The following TTN variants were observed in gnomAD, a reference collection of about 807,000 sequenced individuals.
TTN encodes titin.
In TTN, 1,525 loss-of-function variants were observed where a neutral mutation model predicts 3,223.0. That is an observed-to-expected ratio of 0.47 (90% CI 0.45 to 0.49). The LOEUF (loss-of-function observed/expected upper bound fraction) is 0.49, where lower values mean the gene tolerates loss of function less well. TTN is among the 20% of genes least tolerant of loss of function. The pLI is 0.00. For missense variants in TTN, 40,786 were observed against 43,424.0 expected (o/e 0.94, Z 5.40); for synonymous variants, 14,094 against 15,161.0 (o/e 0.93, Z 5.17).
chr2:178,666,279 G>A (rs1317377777), intron 163 of TTN, among the ~76,000 whole-genome samples: 3 of 152,046 alleles, frequency 2.0e-5, no homozygotes, highest in South Asian at 2.1e-4. Flanking sequence ...GTGTTATGAT[G>A]AAATTATTGT....
rs752764827 is a variant in TTN, at chr2:178,609,349, G to T, written c.51961C>A (p.Arg17321Ser). The change falls in exon 273 of 363, where the codon CGT (arginine) becomes AGT (serine). Residue 17321 changes from arginine (R) to serine (S), a missense_variant. Arg to Ser is a moderately radical substitution (Grantham distance 110). Coordinates refer to ENST00000589042, the MANE Select transcript of TTN (RefSeq NM_001267550.2). Reference protein sequence around the residue: ...EEPFVLPLTQRLSIDNSKKGE... With the variant: ...EEPFVLPLTQSLSIDNSKKGE... ...TTTTTGCTGTTGTCAATACTCAAAC[G>T]CTGTGTCAGAGGCAGGACAAATGGT... 1 of 1,611,908 alleles carries T rather than the reference G, an allele frequency of 6.2e-7. No homozygotes were observed. The highest frequency in any genetic ancestry group is 8.5e-7 in the Non-Finnish European group (1 of 1,178,846).
At chr2:178,752,016 C>G in intron 47 of TTN, 1 of 1,585,380 alleles carries the variant, frequency 6.3e-7, no homozygotes, top group East Asian at 2.2e-5. Context: ...TCTGAATGTT[C>G]AGATTCCCCC....
chr2:178,629,304 A>G lies in TTN; in HGVS notation c.44421T>C (p.Asp14807=). 6.2e-7 allele frequency: 1 copy of G among 1,612,372 alleles called. No homozygotes were observed. Among genetic ancestry groups the G allele is most frequent in the Non-Finnish European group, 8.5e-7 (1 of 1,179,068 alleles). Residue 14807 remains aspartate, a synonymous_variant, in exon 240 of 363, where the codon GAT becomes GAC. Coordinates refer to ENST00000589042, the MANE Select transcript of TTN (RefSeq NM_001267550.2). ...ACAAGGCATGCCTGCTTTTTACCTT[A>G]TCGCTGGGCTCTAGTTTCTTCCCTT... ...YLKGKKLEPS[D]KVVPRSEGKV...
chr2:178,758,625 T>C, intron 44 of TTN: 1 of 311,704 alleles, frequency 3.2e-6, no homozygotes, highest in Non-Finnish European at 6.2e-6. Flanking sequence ...TTAGATGTTT[T>C]TAAAATTTAA....
In TTN at chr2:178,618,290, T is replaced by C. The variant is rs2057715789; in HGVS notation, c.47168A>G (p.Lys15723Arg). The change falls in exon 252 of 363, where the codon AAA (lysine) becomes AGA (arginine). Residue 15723 changes from lysine (K) to arginine (R), a missense_variant. By Grantham distance (26) the Lys-to-Arg change is conservative. Transcript: ENST00000589042. ...ACGGAATAGGTACTCAACTCCTCCT[T>C]TCTGTAGACCAGTGACAGTAAACTC... ...SCEFTVTGLQ[K>R]GGVEYLFRVS... is the part of the protein sequence containing the mutation. The C allele has an allele frequency of 1.2e-6, 2 of 1,612,620 alleles. No individual in the cohort carries two copies. Among genetic ancestry groups the C allele is most frequent in the Non-Finnish European group, 1.7e-6 (2 of 1,179,166 alleles).
chr2:178,569,200 T>G lies in TTN; in HGVS notation c.76932A>C (p.Thr25644=). ...TTACAACAGCAGCATATGATTTTCT[T>G]GTGGCTTCACGTTTCTCAACAATGT... is the stretch of plus-strand genomic sequence containing the variant. The part of the protein sequence containing the change: ...KNYIVEKREA[T]RKSYAAVVTN... Residue 25644 remains threonine (T), a synonymous_variant, in exon 326 of 363, where the codon ACA becomes ACC. Transcript: ENST00000589042. 6.2e-7 allele frequency: 1 copy of G among 1,610,038 alleles called. No individual in the cohort carries two copies. The highest frequency in any genetic ancestry group is 8.5e-7 in the Non-Finnish European group (1 of 1,178,082).
intron 217 of TTN, 72 bp from the exon 218 acceptor site, chr2:178,644,688 A>C (rs2061663080): frequency 1.7e-6 from 2 of 1,209,218 alleles, no homozygotes; most frequent in Non-Finnish European, 2.3e-6. Context: ...TTTCTACTCC[A>C]AGAATCAAAA....
intron 348 of TTN, 34 bp downstream of exon 348, chr2:178,542,628 T>C (rs1188101496): frequency 6.3e-7 from 1 of 1,599,988 alleles, no homozygotes. Context: ...TGACTGAACA[T>C]CAACTTGCTT....
In TTN at chr2:178,599,812, C is replaced by A. The variant is rs1391010387; in HGVS notation, c.56089G>T (p.Glu18697Ter). 1 of 1,602,946 alleles carries A rather than the reference C, an allele frequency of 6.2e-7. No individual in the cohort carries two copies. Among genetic ancestry groups the A allele is most frequent in the Non-Finnish European group, 8.5e-7 (1 of 1,175,574 alleles). Reference protein sequence around the residue: ...SIDLKEFMEVEEGTNVNIVAK... With the variant: ...SIDLKEFMEV Reference sequence around the variant, plus strand: ...ACAATGTTAACATTGGTTCCTTCTTCAACCTCCATGAATTCTTTTAGATCA... The same window carrying A: ...ACAATGTTAACATTGGTTCCTTCTTAAACCTCCATGAATTCTTTTAGATCA... The change falls in exon 289 of 363, where the codon GAA becomes TAA. Residue 18697 changes from glutamate to a stop codon, truncating the protein, a stop_gained. Coordinates refer to ENST00000589042, the MANE Select transcript of TTN (RefSeq NM_001267550.2). LOFTEE classifies it high-confidence loss of function.
chr2:178,554,996 C>G lies in TTN; in HGVS notation c.88463G>C (p.Cys29488Ser). 1 of 1,613,682 alleles carries G rather than the reference C, an allele frequency of 6.2e-7. No individual in the cohort carries two copies. The highest frequency in any genetic ancestry group is 8.5e-7 in the Non-Finnish European group (1 of 1,179,772). Residue 29488 changes from cysteine to serine, a missense_variant, in exon 331 of 363, where the codon TGT becomes TCT. Coordinates refer to ENST00000589042, the MANE Select transcript of TTN (RefSeq NM_001267550.2). ...TGCGAGGTCCGTGGTATTTTCAACA[C>G]ACACCAGTGCATTGGTTTGTAATTC... ...DKELQTNALV[C>S]VENTTDLASI... is the part of the protein sequence containing the mutation.
Position 178,646,104 on chromosome 2 carries a change from T to TTATATATATATATATA in TTN, c.40298-90_40298-75dup, listed in dbSNP as rs71023450. The TTATATATATATATATA allele has an allele frequency of 1.4e-3, 54 of 37,976 alleles. 3 individuals carry two copies. Among genetic ancestry groups the TTATATATATATATATA allele is most frequent in the Admixed American group, 1.8e-3 (4 of 2,188 alleles). The allele number at this position is 37,976 out of a possible 1,614,324, so 2.4% of individuals were successfully genotyped here. The stretch of plus-strand genomic sequence containing the variant: ...GGATATGTAGTATATTTAATAGAAA[T>TTATATATATATATATA]TATATATATATATATATATATATAT... On this transcript the variant is annotated intron_variant, in intron 216 of 362. Transcript: ENST00000589042.
At position 178,722,632 on chromosome 2, in the gene TTN, T is replaced by G. The variant is rs754217176; in HGVS notation, c.22240+27A>C. On this transcript the variant is annotated intron_variant, in intron 76 of 362. Transcript: ENST00000589042. ...GATACAAGAGTTAAGGAAAAAAGAA[T>G]TTTTTTAATTTGTAAAATATCATCA... 10 of 1,592,706 alleles carry G rather than the reference T, an allele frequency of 6.3e-6. 1 individual carries two copies. The Middle Eastern group carries it at 5.1e-4, about 81-fold the overall frequency.
chr2:178,566,726 A>G lies in TTN; in HGVS notation c.79406T>C (p.Val26469Ala). The change falls in exon 326 of 363, where the codon GTT (valine) becomes GCT (alanine). Residue 26469 changes from valine (V) to alanine (A), a missense_variant. Transcript: ENST00000589042. ...FRVSAENAAG[V>A]GEPSPATVYY... ...AACTGTAGCTGGACTTGGTTCCCCAACTCCAGCAGCATTTTCTGCAGAGAC... is the reference window on the plus strand; with the variant it reads ...AACTGTAGCTGGACTTGGTTCCCCAGCTCCAGCAGCATTTTCTGCAGAGAC... 1 of 1,613,298 alleles carries G rather than the reference A, an allele frequency of 6.2e-7. No homozygotes were observed.
chr2:178,652,486 A>G lies in TTN; in HGVS notation c.39099T>C (p.Pro13033=), dbSNP rs755793186. 6.9e-5 allele frequency: 112 copies of G among 1,613,498 alleles called. 1 individual carries two copies. In the Middle Eastern group the frequency reaches 1.3e-3, roughly 19 times the overall value. Residue 13033 remains proline, a synonymous_variant, in exon 202 of 363, where the codon CCT becomes CCC. Transcript: ENST00000589042. ...VPEKKVPAAP[P]KKPEVTPVKV... Reference sequence around the variant, plus strand: ...TAACAGGTGTGACTTCAGGCTTTTTAGGAGGAGCCGCTGGCACTTTCTTTT... The same window carrying G: ...TAACAGGTGTGACTTCAGGCTTTTTGGGAGGAGCCGCTGGCACTTTCTTTT...
At chr2:178,716,853 C>G (rs188088934) in intron 88 of TTN, among the ~76,000 whole-genome samples, 1 of 152,242 alleles carries the variant, frequency 6.6e-6, no homozygotes, top group East Asian at 1.9e-4. Flanking sequence ...TTATCTCTCT[C>G]TAGTCTCTAT....
intron 20 of TTN, 99 bp downstream of exon 20, chr2:178,782,113 G>C: frequency 7.2e-7 from 1 of 1,381,982 alleles, no homozygotes; most frequent in South Asian, 1.2e-5. Context: ...CAATGAAAGA[G>C]CCTATGCTCA....
At chr2:178,799,176 A>C in intron 6 of TTN, 1 of 375,556 alleles carries the variant, frequency 2.7e-6, no homozygotes, top group East Asian at 6.1e-5. Context: ...GGTGAGGACA[A>C]ACACTCCTGC....
At chr2:178,747,684 T>C (rs879012517) in intron 47 of TTN, 3 of 1,612,942 alleles carry the variant, frequency 1.9e-6, no homozygotes, top group Non-Finnish European at 2.5e-6. Flanking sequence ...AAATATTGTG[T>C]TAGGGAGGTC....
chr2:178,682,874 C>A lies in TTN; in HGVS notation c.32917G>T (p.Ala10973Ser), dbSNP rs1560348213. 1 of 1,609,134 alleles carries A rather than the reference C, an allele frequency of 6.2e-7. No individual in the cohort carries two copies. The change falls in exon 135 of 363, where the codon GCT (alanine) becomes TCT (serine). Residue 10973 changes from alanine (A) to serine (S), a missense_variant. Transcript: ENST00000589042. ...ACAGCTTCTTCTTCTAGGGTATAAG[C>A]CCTTTCTTTCTCTTCCATTATAGTT... ...EVTIMEEKER[A>S]YTLEEEAVSV...
Sources: allele counts gnomAD v4.1 joint callset (sites outside exome capture counted in the v4.1 genomes callset), GRCh38; gene constraint gnomAD v4.1.1; transcripts MANE v1.5; gene names NCBI Gene and HGNC (gene_info 2026-07-23, HGNC 2026-07-21).